The following ARMC2 variants were observed in gnomAD, a reference collection of about 807,000 sequenced individuals.
ARMC2 encodes the protein armadillo repeat-containing protein 2.
ARMC2 carries 67 observed loss-of-function variants against 90.3 expected under a neutral mutation model. The ratio of observed to expected loss-of-function variants is 0.74; its 90% CI spans 0.61 to 0.91. The LOEUF is 0.91. Ranked by LOEUF, ARMC2 falls within the 40% of genes least tolerant of loss-of-function variation. The probability of loss-of-function intolerance (pLI) is 0.00; values close to 1 mark genes in which losing one functional copy is unlikely to be tolerated. For synonymous variants in ARMC2, 393 were observed against 393.0 expected, an observed-to-expected ratio of 1.00 and a Z score of 0.00; for missense variants, 920 against 1,030.9, an observed-to-expected ratio of 0.89 and a Z score of 1.47.
In ARMC2 at chr6:108,890,207, A is replaced by AC. The variant is rs1770846051; in HGVS notation, c.672-4260_672-4259insC. On this transcript the variant is annotated intron_variant, in intron 5 of 17. Transcript: ENST00000392644. ...TCCGTCTCAAAAAAAAAAAAAAAAA[A>AC]AAAAAAAAAAAAAAAAAAAAAACAG... 3.7e-4 allele frequency among the ~76,000 whole-genome samples: 48 copies of AC among 128,796 alleles called. 1 individual carries two copies. Among genetic ancestry groups the AC allele is most frequent in the African/African-American group, 1.3e-3 (40 of 30,178 alleles). The allele number at this position is 128,796 out of a possible 152,430, so 84.5% of individuals were successfully genotyped here.
the ARMC2 span, among the ~76,000 whole-genome samples, chr6:109,020,192 T>A: frequency 2.7e-3 from 416 of 152,264 alleles, 6 homozygotes; most frequent in African/African-American, 9.3e-3. Flanking sequence ...CTTTTTTTCT[T>A]TTTTTTATGT....
Position 108,909,680 on chromosome 6 carries a change from C to T in ARMC2, c.1024-1219C>T, listed in dbSNP as rs571142200. ...CCTCCTGAGTAGCTGGGATTACAGG[C>T]GCGTGCCACCACACCCAGCTAATTT... is the stretch of plus-strand genomic sequence containing the variant. On this transcript the variant is annotated intron_variant, in intron 8 of 17. Coordinates refer to ENST00000392644, the MANE Select transcript of ARMC2 (RefSeq NM_032131.6). Among the ~76,000 whole-genome samples, 31 of 152,158 alleles carry T rather than the reference C, an allele frequency of 2.0e-4. 1 individual carries two copies. The highest frequency in any genetic ancestry group is 9.7e-4 in the East Asian group (5 of 5,180).
At chr6:108,950,491 G>A (rs1777103899) in intron 12 of ARMC2, among the ~76,000 whole-genome samples, 1 of 152,170 alleles carries the variant, frequency 6.6e-6, no homozygotes, top group African/African-American at 2.4e-5. Flanking sequence ...GATAGAGCAG[G>A]AGGCCATTAT....
At chr6:109,008,875 GTGT>G in the ARMC2 span, 1 of 985,922 alleles carries the variant, frequency 1.0e-6, no homozygotes, top group Non-Finnish European at 1.2e-6. Flanking sequence ...TGAGTCAAAT[GTGT>G]TTTTTTTCTT....
rs777531717 is a variant in ARMC2 at position 108,953,093 on chromosome 6, C to T, written c.1657C>T (p.Arg553Cys). The change falls in exon 13 of 18, where the codon CGT becomes TGT. Residue 553 changes from arginine to cysteine, a missense_variant. Arg to Cys is a radical substitution (Grantham distance 180). Coordinates refer to ENST00000392644, the MANE Select transcript of ARMC2 (RefSeq NM_032131.6). ...CCTGACGGCAAAAAATAACCAGGCTCGTGAACAATTTTCCAAAGAGAAAGG... is the reference window on the plus strand; with the variant it reads ...CCTGACGGCAAAAAATAACCAGGCTTGTGAACAATTTTCCAAAGAGAAAGG... The part of the protein sequence containing the change: ...GNLTAKNNQA[R>C]EQFSKEKGSI... 5.6e-6 allele frequency: 9 copies of T among 1,613,782 alleles called. No individual in the cohort carries two copies. Among genetic ancestry groups the T allele is most frequent in the South Asian group, 4.4e-5 (4 of 91,044 alleles).
intron 5 of ARMC2, among the ~76,000 whole-genome samples, chr6:108,888,612 C>T (rs1164309030): frequency 6.6e-6 from 1 of 152,186 alleles, no homozygotes; most frequent in East Asian, 1.9e-4. Context: ...TCTATTCTTC[C>T]TTTTCTCCTT....
Position 108,974,250 on chromosome 6 carries a change from T to A in ARMC2, c.*736T>A, listed in dbSNP as rs1778933350. On this transcript the variant is annotated 3_prime_UTR_variant, in exon 18 of 18. Transcript: ENST00000392644. Reference sequence around the variant, plus strand: ...TCCATGCTCTCCCCTGCTAGCTTTGTGGGCCTGGAGCAAGTAACTTAATTT... The same window carrying A: ...TCCATGCTCTCCCCTGCTAGCTTTGAGGGCCTGGAGCAAGTAACTTAATTT... 1 of 152,220 alleles carries A rather than the reference T, an allele frequency of 6.6e-6. No individual in the cohort carries two copies. 9.4% of individuals were successfully genotyped at this position (152,220 alleles called of 1,614,324 possible).
At chr6:108,984,779 A>T in the ARMC2 span, among the ~76,000 whole-genome samples, 1 of 152,174 alleles carries the variant, frequency 6.6e-6, no homozygotes, top group Non-Finnish European at 1.5e-5. Context: ...TGCTGAATTT[A>T]TGCTTCCTCT....
chr6:109,007,285 GT>G, the ARMC2 span, among the ~76,000 whole-genome samples: 4 of 152,290 alleles, frequency 2.6e-5, no homozygotes, highest in South Asian at 8.3e-4. Context: ...TACTGTTCCA[GT>G]CAGATGTTTC....
chr6:109,001,371 C>T, the ARMC2 span: 1 of 1,613,836 alleles, frequency 6.2e-7, no homozygotes, highest in Admixed American at 1.7e-5. Flanking sequence ...AAGAAACTTT[C>T]TAAATATTGT....
intron 11 of ARMC2, among the ~76,000 whole-genome samples, chr6:108,936,319 C>T (rs1775957729): frequency 6.6e-6 from 1 of 152,122 alleles, no homozygotes; most frequent in Admixed American, 6.5e-5. Context: ...TGCAGTGGTT[C>T]AATCTTGGCT....
chr6:108,950,193 A>G (rs1777079429), intron 12 of ARMC2, among the ~76,000 whole-genome samples: 1 of 152,194 alleles, frequency 6.6e-6, no homozygotes, highest in Non-Finnish European at 1.5e-5. Flanking sequence ...GCGACAGAGC[A>G]ATACTCTGTC....
chr6:109,047,585 TG>T, the ARMC2 span, among the ~76,000 whole-genome samples: 2 of 142,608 alleles, frequency 1.4e-5, no homozygotes, highest in Non-Finnish European at 3.1e-5. Context: ...CCACCCCGTC[TG>T]GGAGGTGTGC....
downstream of ARMC2, among the ~76,000 whole-genome samples, chr6:108,976,773 G>A (rs550360146): frequency 6.6e-6 from 1 of 152,300 alleles, no homozygotes; most frequent in South Asian, 2.1e-4. Context: ...AATTGCGAAT[G>A]GGAGTTCACT....
At chr6:108,864,901 A>G (rs1251938101) in intron 3 of ARMC2, among the ~76,000 whole-genome samples, 1 of 152,056 alleles carries the variant, frequency 6.6e-6, no homozygotes, top group Non-Finnish European at 1.5e-5. Flanking sequence ...GCCAGAACAG[A>G]CCTTAAAATA....
intron 8 of ARMC2, chr6:108,907,474 T>TAA: frequency 2.0e-6 from 1 of 512,480 alleles, no homozygotes; most frequent in Non-Finnish European, 3.2e-6. Flanking sequence ...TTTTTTTTTT[T>TAA]TTTACCAGTC....
chr6:108,876,485 A>G (rs999700255), intron 5 of ARMC2, 135 bp downstream of exon 5: 1 of 807,660 alleles, frequency 1.2e-6, no homozygotes. Flanking sequence ...GTACATGAAT[A>G]GGAGAGACTA....
intron 3 of ARMC2, among the ~76,000 whole-genome samples, chr6:108,862,901 A>T (rs1043703295): frequency 2.6e-5 from 4 of 152,184 alleles, no homozygotes; most frequent in Non-Finnish European, 4.4e-5. Context: ...CATTGAGCAG[A>T]TTAGCTCAAT....
chr6:108,932,516 CTTTTTTTTTTT>C (rs60000198), intron 11 of ARMC2, among the ~76,000 whole-genome samples: 2 of 77,908 alleles, frequency 2.6e-5, no homozygotes, highest in South Asian at 6.3e-4. Flanking sequence ...TTCTCCATTG[CTTTTTTTTTTT>C]TTTTTTTTTT....
Sources: allele counts gnomAD v4.1 joint callset (sites outside exome capture counted in the v4.1 genomes callset), GRCh38; gene constraint gnomAD v4.1.1; transcripts MANE v1.5; gene names NCBI Gene and HGNC (gene_info 2026-07-23, HGNC 2026-07-21).